Variants in FRYL observed in about 807,000 individuals in gnomAD.
The protein encoded by FRYL is FRY like transcription coactivator, also known as protein furry homolog-like.
In FRYL, 150 loss-of-function variants were observed where a neutral mutation model predicts 351.2. The observed-to-expected ratio is 0.43, with a 90% CI of 0.37 to 0.49. FRYL has a LOEUF of 0.49. FRYL is among the 20% of genes least tolerant of loss of function. FRYL has a pLI of 0.00. For missense variants in FRYL, 3,036 were observed against 3,619.3 expected (o/e 0.84, Z 4.13); for synonymous variants, 1,153 against 1,257.1 (o/e 0.92, Z 1.75).
intron 4 of FRYL, among the ~76,000 whole-genome samples, chr4:48,632,184 G>C (rs1753345600): frequency 1.5e-5 from 2 of 136,882 alleles, no homozygotes; most frequent in Non-Finnish European, 3.1e-5. Flanking sequence ...AGAACTGGTA[G>C]GACTGTATCA....
intron 1 of FRYL, among the ~76,000 whole-genome samples, chr4:48,745,672 C>T (rs1274196946): frequency 6.6e-6 from 1 of 152,112 alleles, no homozygotes; most frequent in African/African-American, 2.4e-5. Flanking sequence ...TTAATGGGTG[C>T]AGCACACCAA....
chr4:48,514,925 C>T (rs762876370), intron 56 of FRYL, 103 bp downstream of exon 56: 1 of 1,002,042 alleles, frequency 1.0e-6, no homozygotes, highest in Non-Finnish European at 1.5e-6. Flanking sequence ...CTGAAACACA[C>T]AAAGAAATGA....
At chr4:48,571,045 G>A (rs897145123) in intron 26 of FRYL, 127 bp from the exon 27 acceptor site, 34 of 613,204 alleles carry the variant, frequency 5.5e-5, no homozygotes, top group Middle Eastern at 2.6e-4. Flanking sequence ...GTAGACTGTG[G>A]GTACTCTGGT....
chr4:48,585,089 C>T (rs1741805625), intron 19 of FRYL, among the ~76,000 whole-genome samples: 1 of 152,076 alleles, frequency 6.6e-6, no homozygotes, highest in Admixed American at 6.5e-5. Context: ...TCTTGTGGAT[C>T]AACATCCACA....
At chr4:48,652,845 G>C (rs887775296) in intron 3 of FRYL, among the ~76,000 whole-genome samples, 12 of 152,268 alleles carry the variant, frequency 7.9e-5, no homozygotes, top group African/African-American at 2.9e-4. Flanking sequence ...ACAGTTGGGA[G>C]CAAAAACAAC....
At chr4:48,685,151 T>C (rs1765020918) in intron 2 of FRYL, among the ~76,000 whole-genome samples, 2 of 152,214 alleles carry the variant, frequency 1.3e-5, no homozygotes, top group African/African-American at 4.8e-5. Context: ...ATTTCATCTG[T>C]AGATAATTCA....
chr4:48,639,875 A>T (rs1048101177), intron 3 of FRYL, among the ~76,000 whole-genome samples: 8 of 152,164 alleles, frequency 5.3e-5, no homozygotes, highest in South Asian at 2.1e-4. Context: ...TACCAGAAGA[A>T]GATGTACAGA....
rs1435310063 is a variant in FRYL, at chr4:48,730,252, GC to G, written c.-383-19555del. ...GGGACTATGTGAAAAGACCAAATCT[GC>G]ATTTGATTGGTGTATCTGAAAGTGA... On this transcript the variant is annotated intron_variant, in intron 1 of 63. Coordinates refer to ENST00000358350, the MANE Select transcript of FRYL (RefSeq NM_015030.2). 3.9e-5 allele frequency among the ~76,000 whole-genome samples: 6 copies of G among 152,288 alleles called. 1 individual carries two copies. In the East Asian group the frequency reaches 1.2e-3, roughly 29 times the overall value.
chr4:48,586,431 A>T (rs1254781558), intron 19 of FRYL, among the ~76,000 whole-genome samples, 190 bp downstream of exon 19: 1 of 152,136 alleles, frequency 6.6e-6, no homozygotes, highest in Non-Finnish European at 1.5e-5. Flanking sequence ...TGAGAAGTTA[A>T]AAATCAGTGA....
intron 2 of FRYL, among the ~76,000 whole-genome samples, chr4:48,687,621 GAAT>G: frequency 6.6e-6 from 1 of 151,898 alleles, no homozygotes; most frequent in Non-Finnish European, 1.5e-5. Flanking sequence ...AGAATTTCTA[GAAT>G]AATAACAGAA....
intron 5 of FRYL, among the ~76,000 whole-genome samples, chr4:48,621,429 A>C (rs1467779897): frequency 2.0e-5 from 3 of 152,244 alleles, no homozygotes; most frequent in Non-Finnish European, 2.9e-5. Context: ...CTAGGTAAAC[A>C]TCACAGATTC....
rs148016696 is a variant in FRYL, at chr4:48,770,722, C to T, written c.-384+9356G>A. On this transcript the variant is annotated intron_variant, in intron 1 of 63. Coordinates refer to ENST00000358350, the MANE Select transcript of FRYL (RefSeq NM_015030.2). ...AAAGTGCTGGAATTACAGGTGTGAGCCACCACGCCCGGGTTAATGTCTTAT... is the reference window on the plus strand; with the variant it reads ...AAAGTGCTGGAATTACAGGTGTGAGTCACCACGCCCGGGTTAATGTCTTAT... Among the ~76,000 whole-genome samples, 431 of 152,232 alleles carry T rather than the reference C, an allele frequency of 2.8e-3. 1 individual carries two copies. The highest frequency in any genetic ancestry group is 9.8e-3 in the African/African-American group (409 of 41,544).
In FRYL at chr4:48,575,130, G is replaced by A; in HGVS notation, c.2833C>T (p.Pro945Ser). 6.2e-7 allele frequency: 1 copy of A among 1,613,356 alleles called. No individual in the cohort carries two copies. The highest frequency in any genetic ancestry group is 8.5e-7 in the Non-Finnish European group (1 of 1,179,396). Residue 945 changes from proline (P) to serine (S), a missense_variant, in exon 25 of 64, where the codon CCA (proline) becomes TCA (serine). Transcript: ENST00000358350. The part of the protein sequence containing the change: ...SLVLGLGRTN[P>S]GAFRELIEEL... ...GAACATAGTTACCTAAAAGCTCCTG[G>A]GTTGGTCCTGCCAAGACCTAGAACA...
At chr4:48,718,501 A>C (rs914599741) in intron 1 of FRYL, among the ~76,000 whole-genome samples, 3 of 151,610 alleles carry the variant, frequency 2.0e-5, no homozygotes, top group Non-Finnish European at 4.4e-5. Flanking sequence ...TTAGTTGTAT[A>C]AAAGATGAAC....
At chr4:48,615,047 C>T (rs188059807) in intron 7 of FRYL, among the ~76,000 whole-genome samples, 78 of 152,102 alleles carry the variant, frequency 5.1e-4, no homozygotes, top group African/African-American at 1.8e-3. Context: ...AAGATGGTCT[C>T]GATCTCCTGA....
chr4:48,510,281 T>C (rs528394916), intron 58 of FRYL, 124 bp from the exon 59 acceptor site: 18 of 702,912 alleles, frequency 2.6e-5, no homozygotes, highest in African/African-American at 1.9e-4. Context: ...CTCTTAACTC[T>C]ACTCTGTCCC....
intron 2 of FRYL, among the ~76,000 whole-genome samples, chr4:48,688,658 ATTTTTTTTTTTTTT>A (rs11355390): frequency 2.3e-5 from 2 of 86,468 alleles, no homozygotes; most frequent in African/African-American, 8.7e-5. Context: ...CTCTTAGTCA[ATTTTTTTTTTTTTT>A]TTTTTTTTTG....
intron 35 of FRYL, among the ~76,000 whole-genome samples, chr4:48,556,528 T>C (rs1180812268): frequency 6.6e-6 from 1 of 152,216 alleles, no homozygotes; most frequent in Non-Finnish European, 1.5e-5. Flanking sequence ...AAATGCCAGC[T>C]CTGCCTAGCA....
In FRYL at chr4:48,557,601, G is replaced by A; in HGVS notation, c.3977C>T (p.Thr1326Ile). Residue 1326 changes from threonine (T) to isoleucine (I), a missense_variant, in exon 34 of 64, where the codon ACA (threonine) becomes ATA (isoleucine). Thr to Ile is a moderately conservative substitution (Grantham distance 89). Transcript: ENST00000358350. ...TTCATCTTCATCATGTCGCCTTGCTGTGGGGAGAGGTTTTAAGTCCACCAG... is the reference window on the plus strand; with the variant it reads ...TTCATCTTCATCATGTCGCCTTGCTATGGGGAGAGGTTTTAAGTCCACCAG... ...IELVDLKPLP[T>I]ARRHDEDEDD... 1 of 1,614,162 alleles carries A rather than the reference G, an allele frequency of 6.2e-7. No homozygotes were observed. The highest frequency in any genetic ancestry group is 1.1e-5 in the South Asian group (1 of 91,082).
Sources: gnomAD v4.1 joint callset for allele counts (sites outside exome capture counted in the v4.1 genomes callset) on GRCh38, gnomAD v4.1.1 for gene constraint, MANE v1.5 for transcripts, NCBI Gene and HGNC (gene_info 2026-07-23, HGNC 2026-07-21) for gene names.